Variants in FHL3 observed in about 807,000 individuals in gnomAD.
FHL3 encodes four and a half LIM domains protein 3.
In FHL3, 21 loss-of-function variants were observed where a neutral mutation model predicts 34.3. That is an observed-to-expected ratio of 0.61 (90% CI 0.43 to 0.88). FHL3 has a LOEUF of 0.88. FHL3 is among the 40% of genes least tolerant of loss of function. The pLI, the probability that FHL3 is intolerant of heterozygous loss-of-function variation, is 0.00. For synonymous variants in FHL3, 137 were observed against 144.6 expected (o/e 0.95, Z 0.38); for missense variants, 333 against 373.7 (o/e 0.89, Z 0.90).
At chr1:38,004,314 G>A (rs1482938172) in intron 1 of FHL3, among the ~76,000 whole-genome samples, 1 of 152,154 alleles carries the variant, frequency 6.6e-6, no homozygotes, top group Admixed American at 6.5e-5. Context: ...GTGTGTGTGC[G>A]TGGGGCTCTT....
At chr1:38,000,525 T>C (rs1646583093) in intron 1 of FHL3, among the ~76,000 whole-genome samples, 1 of 151,926 alleles carries the variant, frequency 6.6e-6, no homozygotes, top group African/African-American at 2.4e-5. Flanking sequence ...CCATCTTGGG[T>C]GGGGAGTAGG....
At chr1:37,999,806 C>G (rs538618728) in intron 1 of FHL3, among the ~76,000 whole-genome samples, 1 of 152,312 alleles carries the variant, frequency 6.6e-6, no homozygotes, top group Non-Finnish European at 1.5e-5. Context: ...AGGGAGCCAC[C>G]CCACTCTACT....
intron 1 of FHL3, among the ~76,000 whole-genome samples, chr1:38,000,226 C>A (rs1381123552): frequency 1.3e-5 from 2 of 152,156 alleles, no homozygotes; most frequent in Non-Finnish European, 1.5e-5. Context: ...GCACAGATGG[C>A]CAGATGTCAG....
intron 1 of FHL3, among the ~76,000 whole-genome samples, chr1:38,005,057 G>A (rs1320897572): frequency 1.3e-5 from 2 of 152,080 alleles, no homozygotes; most frequent in African/African-American, 2.4e-5. Context: ...TTTCTCCAGC[G>A]CTTCTGGTCG....
At chr1:37,998,691 C>A in intron 3 of FHL3, 1 of 445,266 alleles carries the variant, frequency 2.2e-6, no homozygotes, top group Non-Finnish European at 4.1e-6. Flanking sequence ...CCCAATGCAA[C>A]AAGCATGACA....
Position 37,999,443 on chromosome 1 carries a change from C to G in FHL3, c.-20-11G>C. Reference sequence around the variant, plus strand: ...CAAGGGGAGAGAACCCTGTTAGGAGCACAAGGTGGAACTGGGGTCACACAG... The same window carrying G: ...CAAGGGGAGAGAACCCTGTTAGGAGGACAAGGTGGAACTGGGGTCACACAG... On this transcript the variant is annotated splice_polypyrimidine_tract_variant and intron_variant, in intron 1 of 5. Coordinates refer to ENST00000373016, the MANE Select transcript of FHL3 (RefSeq NM_004468.5). The G allele has an allele frequency of 6.2e-7, 1 of 1,611,740 alleles. No homozygotes were observed. The highest frequency in any genetic ancestry group is 1.7e-5 in the Admixed American group (1 of 59,924).
At chr1:38,004,853 T>C (rs1184017540) in intron 1 of FHL3, among the ~76,000 whole-genome samples, 1 of 152,158 alleles carries the variant, frequency 6.6e-6, no homozygotes, top group Admixed American at 6.5e-5. Context: ...AGGGAATGTG[T>C]TCGCTGGGGT....
intron 3 of FHL3, chr1:37,998,673 C>A (rs950460048): frequency 7.3e-6 from 3 of 411,244 alleles, no homozygotes; most frequent in African/African-American, 6.0e-5. Context: ...CTTCTGCATA[C>A]ATTAAGACCC....
intron 1 of FHL3, among the ~76,000 whole-genome samples, chr1:38,004,508 T>TCTCTG (rs1491484574): frequency 7.6e-6 from 1 of 131,892 alleles, no homozygotes; most frequent in Non-Finnish European, 1.6e-5. Context: ...CTGGTGTCTG[T>TCTCTG]CTCTGCTTCA....
intron 1 of FHL3, among the ~76,000 whole-genome samples, chr1:38,000,074 T>A (rs1470081827): frequency 6.6e-6 from 1 of 152,140 alleles, no homozygotes; most frequent in Non-Finnish European, 1.5e-5. Flanking sequence ...AGGCTCAGCT[T>A]AGGTTCAAGC....
chr1:37,997,252 A>C lies in FHL3; in HGVS notation c.*153T>G. The C allele has an allele frequency of 1.3e-6, 1 of 780,946 alleles. No homozygotes were observed. The highest frequency in any genetic ancestry group is 1.7e-5 in the South Asian group (1 of 58,810). 48.4% of individuals were successfully genotyped at this position (780,946 alleles called of 1,614,324 possible). A position where few individuals can be genotyped will look rare whatever the true frequency, so the allele number is the denominator to read the frequency against. ...TTGGGGCCCTGGGTCAGGGAGTACC[A>C]GTTTGGGGATGCTGGAGTGGGGAGA... On this transcript the variant is annotated 3_prime_UTR_variant, in exon 6 of 6. Coordinates refer to ENST00000373016, the MANE Select transcript of FHL3 (RefSeq NM_004468.5). The surrounding 1 kb of genome is among the most constrained non-coding windows in gnomAD (Gnocchi z 4.3).
chr1:38,001,103 C>T (rs559521894), intron 1 of FHL3, among the ~76,000 whole-genome samples: 4 of 152,264 alleles, frequency 2.6e-5, no homozygotes, highest in Non-Finnish European at 5.9e-5. Flanking sequence ...ATACATCAAG[C>T]CTCTGCGCAA....
Position 37,999,268 on chromosome 1 carries a change from G to A in FHL3, c.145C>T (p.His49Tyr). 1 of 1,614,186 alleles carries A rather than the reference G, an allele frequency of 6.2e-7. No individual in the cohort carries two copies. Among genetic ancestry groups the A allele is most frequent in the Non-Finnish European group, 8.5e-7 (1 of 1,180,024 alleles). The change falls in exon 2 of 6, where the codon CAT becomes TAT. Residue 49 changes from histidine (H) to tyrosine (Y), a missense_variant. Physicochemically the swap from His to Tyr is moderately conservative, Grantham distance 83 (BLOSUM62 2). Coordinates refer to ENST00000373016, the MANE Select transcript of FHL3 (RefSeq NM_004468.5). The stretch of plus-strand genomic sequence containing the variant: ...GGCCCTCTCCTTACCCTCGAGTCAT[G>A]CCCGATAAGCTGCTGGCACTCAGCA... ...TCAECQQLIG[H>Y]DSRELFYEDR... is the part of the protein sequence containing the mutation.
chr1:37,997,586 G>A lies in FHL3; in HGVS notation c.689-27C>T. The A allele has an allele frequency of 1.9e-6, 3 of 1,613,472 alleles. No individual in the cohort carries two copies. The highest frequency in any genetic ancestry group is 2.5e-6 in the Non-Finnish European group (3 of 1,179,660). Reference sequence around the variant, plus strand: ...TGGAGGGAGGCTGGAAGTTAGCTATGCAGATGTGGGGATGGTCCGGCCCTC... The same window carrying A: ...TGGAGGGAGGCTGGAAGTTAGCTATACAGATGTGGGGATGGTCCGGCCCTC... On this transcript the variant is annotated intron_variant, in intron 5 of 5. Coordinates refer to ENST00000373016, the MANE Select transcript of FHL3 (RefSeq NM_004468.5). This position sits in a 1 kb window ranked among gnomAD's most constrained non-coding sequence, Gnocchi z 4.3.
chr1:38,001,158 C>G (rs1036150210), intron 1 of FHL3, among the ~76,000 whole-genome samples: 6 of 152,232 alleles, frequency 3.9e-5, no homozygotes, highest in Admixed American at 1.3e-4. Flanking sequence ...CATGAGGCCA[C>G]CAGGGGCCAG....
Position 38,000,741 on chromosome 1 carries a change from C to G in FHL3, c.-20-1309G>C, listed in dbSNP as rs148431068. Reference sequence around the variant, plus strand: ...TGCCCCGGATTCCAGTCTCTAGCCCCAAAGTCAGAGCTCCCACCCCTGCTC... The same window carrying G: ...TGCCCCGGATTCCAGTCTCTAGCCCGAAAGTCAGAGCTCCCACCCCTGCTC... On this transcript the variant is annotated intron_variant, in intron 1 of 5. Coordinates refer to ENST00000373016, the MANE Select transcript of FHL3 (RefSeq NM_004468.5). Among the ~76,000 whole-genome samples the G allele has an allele frequency of 7.7e-4, 118 of 152,266 alleles. No homozygotes were observed. The East Asian group carries it at 0.017, about 22-fold the overall frequency.
chr1:38,005,189 G>A (rs1258873451), intron 1 of FHL3, among the ~76,000 whole-genome samples, 168 bp downstream of exon 1: 2 of 151,652 alleles, frequency 1.3e-5, no homozygotes, highest in African/African-American at 4.8e-5. Flanking sequence ...AGTCCCGGCG[G>A]GCGCTGTCCC....
chr1:37,998,858 A>G, intron 3 of FHL3, 116 bp downstream of exon 3: 1 of 1,084,066 alleles, frequency 9.2e-7, no homozygotes, highest in Non-Finnish European at 1.3e-6. Flanking sequence ...AATTTCCAGA[A>G]ACATGCTGTG....
chr1:37,999,165 A>C lies in FHL3; in HGVS notation c.157-17T>G. 1 of 1,614,068 alleles carries C rather than the reference A, an allele frequency of 6.2e-7. No individual in the cohort carries two copies. The highest frequency in any genetic ancestry group is 8.5e-7 in the Non-Finnish European group (1 of 1,179,920). ...GAACAGCTCCTGTGGGGAACACAGC[A>C]GGGGCACTGGCACCCAGGCCTCATG... On this transcript the variant is annotated splice_polypyrimidine_tract_variant and intron_variant, in intron 2 of 5. Coordinates refer to ENST00000373016, the MANE Select transcript of FHL3 (RefSeq NM_004468.5).
Sources: gnomAD v4.1 joint callset for allele counts (sites outside exome capture counted in the v4.1 genomes callset) on GRCh38, gnomAD v4.1.1 for gene constraint, Gnocchi (gnomAD v3.1) non-coding constraint, MANE v1.5 for transcripts, NCBI Gene and HGNC (gene_info 2026-07-23, HGNC 2026-07-21) for gene names.